The following BAZ2B variants were observed in gnomAD, a reference collection of about 807,000 sequenced individuals.
The protein encoded by BAZ2B is bromodomain adjacent to zinc finger domain protein 2B.
A neutral mutation model predicts 246.0 loss-of-function variants in BAZ2B; 91 were observed. That is an observed-to-expected ratio of 0.37 (90% CI 0.31 to 0.44). The LOEUF (loss-of-function observed/expected upper bound fraction) is 0.44. Among genes scored for constraint, BAZ2B ranks in the 20% least tolerant of loss-of-function variants. The pLI is 1.00. For synonymous variants in BAZ2B, 855 were observed against 860.0 expected (o/e 0.99, Z 0.10); for missense variants, 2,332 against 2,533.7 (o/e 0.92, Z 1.71).
intron 2 of BAZ2B, among the ~76,000 whole-genome samples, chr2:159,525,397 T>C (rs796340987): frequency 6.6e-5 from 10 of 152,332 alleles, no homozygotes; most frequent in African/African-American, 2.4e-4. Flanking sequence ...ATCCAGAATT[T>C]GAAAAGCTCC....
At chr2:159,427,274 T>C (rs574666718) in intron 13 of BAZ2B, among the ~76,000 whole-genome samples, 2 of 152,238 alleles carry the variant, frequency 1.3e-5, no homozygotes, top group African/African-American at 4.8e-5. Context: ...GGGAAAGCAT[T>C]AAAGAAAACA....
At chr2:159,347,399 A>G in intron 31 of BAZ2B, 87 bp downstream of exon 31, 1 of 1,363,238 alleles carries the variant, frequency 7.3e-7, no homozygotes, top group Admixed American at 1.9e-5. Flanking sequence ...AACATTTAGC[A>G]CATTAACTAG....
chr2:159,342,803 T>C (rs1328645523), intron 31 of BAZ2B, among the ~76,000 whole-genome samples: 3 of 152,214 alleles, frequency 2.0e-5, no homozygotes, highest in African/African-American at 7.2e-5. Flanking sequence ...ATCATGCTTA[T>C]GGATCAGAAG....
chr2:159,571,043 G>A (rs930877888), intron 1 of BAZ2B, among the ~76,000 whole-genome samples: 4 of 151,928 alleles, frequency 2.6e-5, no homozygotes, highest in Admixed American at 2.0e-4. Context: ...TAATAGAAAC[G>A]AAGTTTTGCC....
intron 2 of BAZ2B, among the ~76,000 whole-genome samples, chr2:159,501,123 AAT>A (rs142068248): frequency 0.34 from 24,333 of 71,632 alleles, 3,540 homozygotes; most frequent in South Asian, 0.38. Flanking sequence ...ATATATATAT[AAT>A]ATATATATAT....
the BAZ2B span, among the ~76,000 whole-genome samples, chr2:159,636,854 A>G: frequency 6.6e-6 from 1 of 152,140 alleles, no homozygotes; most frequent in Non-Finnish European, 1.5e-5. Context: ...AAACCAGCTC[A>G]ATCACAATAG....
intron 13 of BAZ2B, among the ~76,000 whole-genome samples, chr2:159,414,688 G>A (rs1055771869): frequency 6.6e-6 from 1 of 151,888 alleles, no homozygotes; most frequent in African/African-American, 2.4e-5. Flanking sequence ...ACGGTGGCGG[G>A]TGCCTGTAGT....
chr2:159,550,950 C>G (rs2088094151), intron 2 of BAZ2B, among the ~76,000 whole-genome samples: 1 of 152,138 alleles, frequency 6.6e-6, no homozygotes, highest in Non-Finnish European at 1.5e-5. Context: ...ATCCTTCCAC[C>G]TCAGCTTCCC....
At chr2:159,427,678 T>C (rs1011693594) in intron 13 of BAZ2B, among the ~76,000 whole-genome samples, 6 of 152,162 alleles carry the variant, frequency 3.9e-5, no homozygotes, top group African/African-American at 1.2e-4. Context: ...CTTTTATACC[T>C]ATATAAACTG....
At chr2:159,668,663 TTCTTA>T in the BAZ2B span, among the ~76,000 whole-genome samples, 3 of 152,210 alleles carry the variant, frequency 2.0e-5, no homozygotes, top group African/African-American at 7.2e-5. Context: ...TGGATTTCTG[TTCTTA>T]TCTTTATTCC....
chr2:159,493,233 T>G (rs2080698007), intron 2 of BAZ2B, among the ~76,000 whole-genome samples: 1 of 152,190 alleles, frequency 6.6e-6, no homozygotes, highest in South Asian at 2.1e-4. Flanking sequence ...ATTAACCACA[T>G]GCAGAAAATT....
At chr2:159,674,299 C>T in the BAZ2B span, among the ~76,000 whole-genome samples, 1 of 135,560 alleles carries the variant, frequency 7.4e-6, no homozygotes, top group African/African-American at 2.8e-5. Context: ...CACACCATTG[C>T]ACTCCAGCCT....
chr2:159,511,001 T>A (rs1473437937), intron 2 of BAZ2B, among the ~76,000 whole-genome samples: 1 of 152,136 alleles, frequency 6.6e-6, no homozygotes, highest in African/African-American at 2.4e-5. Flanking sequence ...TCAAGACTCA[T>A]TTAATATTTG....
At chr2:159,620,396 A>G (rs950133996), upstream of BAZ2B, among the ~76,000 whole-genome samples, 2 of 152,228 alleles carry the variant, frequency 1.3e-5, no homozygotes, top group African/African-American at 2.4e-5. Context: ...AGAGGCTGGA[A>G]AAACATGAAA....
chr2:159,559,907 T>C (rs2089648142), intron 1 of BAZ2B, among the ~76,000 whole-genome samples: 1 of 152,198 alleles, frequency 6.6e-6, no homozygotes, highest in Non-Finnish European at 1.5e-5. Context: ...CAAGTCACTG[T>C]TTTAGTAAAT....
At chr2:159,440,900 T>C (rs1349391556) in intron 6 of BAZ2B, among the ~76,000 whole-genome samples, 2 of 152,152 alleles carry the variant, frequency 1.3e-5, no homozygotes, top group South Asian at 2.1e-4. Context: ...ATAGTTCCCA[T>C]CATTTCTTGA....
the BAZ2B span, among the ~76,000 whole-genome samples, chr2:159,630,467 T>A: frequency 6.6e-6 from 1 of 151,898 alleles, no homozygotes; most frequent in Non-Finnish European, 1.5e-5. Context: ...CACACTAAGT[T>A]AACAGTATAT....
chr2:159,321,673 C>T lies in BAZ2B; in HGVS notation c.6354-1255G>A, dbSNP rs186451059. ...GCCAGGCACAGAAACACAAACATCA[C>T]GTGTTCTCACTTATTTGTGGGATCT... On this transcript the variant is annotated intron_variant, in intron 36 of 36. Coordinates refer to ENST00000392783, the MANE Select transcript of BAZ2B (RefSeq NM_013450.4). 3.3e-5 allele frequency among the ~76,000 whole-genome samples: 5 copies of T among 152,204 alleles called. No individual in the cohort carries two copies. The South Asian group carries it at 6.2e-4, about 19-fold the overall frequency.
At chr2:159,355,843 C>T (rs114954216) in intron 27 of BAZ2B, among the ~76,000 whole-genome samples, 5,412 of 152,124 alleles carry the variant, frequency 0.036, 193 homozygotes, top group African/African-American at 0.095. Context: ...AGAAGGCGGC[C>T]GAAGTAGGGT....
Sources: gnomAD v4.1 joint callset for allele counts (sites outside exome capture counted in the v4.1 genomes callset) on GRCh38, gnomAD v4.1.1 for gene constraint, MANE v1.5 for transcripts, NCBI Gene and HGNC (gene_info 2026-07-23, HGNC 2026-07-21) for gene names.